Variants in PPM1L observed in about 807,000 individuals in gnomAD.
PPM1L encodes the protein protein phosphatase, Mg2+/Mn2+ dependent 1L, also known as protein phosphatase 1L.
PPM1L carries 13 observed loss-of-function variants against 31.4 expected under a neutral mutation model. The ratio of observed to expected loss-of-function variants is 0.41; its 90% CI spans 0.27 to 0.66. The LOEUF is 0.66. Ranked by LOEUF, PPM1L falls within the 30% of genes least tolerant of loss-of-function variation. PPM1L has a pLI of 0.29. For synonymous variants in PPM1L, 184 were observed against 175.4 expected (o/e 1.05, Z -0.39); for missense variants, 326 against 453.7 (o/e 0.72, Z 2.56).
At chr3:160,901,985 T>C (rs1713559402) in intron 1 of PPM1L, among the ~76,000 whole-genome samples, 1 of 152,176 alleles carries the variant, frequency 6.6e-6, no homozygotes, top group Non-Finnish European at 1.5e-5. Flanking sequence ...TTTTCAATGC[T>C]ATATTTCTTT....
At chr3:160,901,833 T>C (rs545327271) in intron 1 of PPM1L, among the ~76,000 whole-genome samples, 5 of 152,208 alleles carry the variant, frequency 3.3e-5, no homozygotes, top group Non-Finnish European at 7.3e-5. Flanking sequence ...TGTTTATCTT[T>C]CCTCATAGGG....
At chr3:160,936,236 C>T (rs1714968331) in intron 1 of PPM1L, among the ~76,000 whole-genome samples, 1 of 152,040 alleles carries the variant, frequency 6.6e-6, no homozygotes, top group Non-Finnish European at 1.5e-5. Flanking sequence ...ATTACAGGTG[C>T]CCACCACCAC....
chr3:160,788,355 T>C (rs1460527388), intron 1 of PPM1L, among the ~76,000 whole-genome samples: 1 of 152,126 alleles, frequency 6.6e-6, no homozygotes, highest in East Asian at 1.9e-4. Flanking sequence ...TATTCCTAGG[T>C]ATTTTATTCC....
At chr3:160,858,568 A>G (rs1204285450) in intron 1 of PPM1L, among the ~76,000 whole-genome samples, 2 of 152,120 alleles carry the variant, frequency 1.3e-5, no homozygotes, top group African/African-American at 4.8e-5. Context: ...CCTTATTTTT[A>G]TATTTGTTTT....
intron 1 of PPM1L, among the ~76,000 whole-genome samples, chr3:160,917,729 A>T (rs1041247981): frequency 6.6e-6 from 1 of 152,184 alleles, no homozygotes; most frequent in African/African-American, 2.4e-5. Context: ...TTTTAAAAAA[A>T]ACATGATTTC....
intron 1 of PPM1L, among the ~76,000 whole-genome samples, chr3:160,823,572 C>T (rs1196117358): frequency 6.6e-6 from 1 of 151,974 alleles, no homozygotes; most frequent in Non-Finnish European, 1.5e-5. Flanking sequence ...TTATAAATTT[C>T]ATTTTTCATT....
At chr3:161,068,721 G>A (rs758225502) in intron 3 of PPM1L, 90 bp from the exon 4 acceptor site, 22 of 1,055,256 alleles carry the variant, frequency 2.1e-5, no homozygotes, top group Non-Finnish European at 3.0e-5. Context: ...TTCACATGAA[G>A]TAGGTCACCC....
intron 2 of PPM1L, among the ~76,000 whole-genome samples, chr3:161,038,344 C>G (rs1253386911): frequency 6.6e-6 from 1 of 151,590 alleles, no homozygotes; most frequent in African/African-American, 2.4e-5. Flanking sequence ...CAGGGTCTCT[C>G]TCTGTCACCC....
intron 1 of PPM1L, among the ~76,000 whole-genome samples, chr3:160,785,195 TCACAGTCTAAGTATCCA>T (rs1711868832): frequency 6.6e-6 from 1 of 152,212 alleles, no homozygotes; most frequent in Non-Finnish European, 1.5e-5. Context: ...GAAGTGTGCT[TCACAGTCTAAGTATCCA>T]CATTTTTATA....
intron 2 of PPM1L, among the ~76,000 whole-genome samples, chr3:161,021,319 T>TTA (rs1225054982): frequency 2.6e-5 from 4 of 152,062 alleles, no homozygotes; most frequent in Non-Finnish European, 4.4e-5. Context: ...CATGACTTCT[T>TTA]TATATATTGT....
intron 1 of PPM1L, among the ~76,000 whole-genome samples, chr3:160,877,924 T>C (rs114488734): frequency 0.01 from 1,573 of 152,238 alleles, 26 homozygotes; most frequent in African/African-American, 0.036. Flanking sequence ...ATGCCTAAGG[T>C]AGTCTTTTCC....
chr3:161,035,104 A>G (rs1718707410), intron 2 of PPM1L, among the ~76,000 whole-genome samples: 1 of 151,730 alleles, frequency 6.6e-6, no homozygotes, highest in Non-Finnish European at 1.5e-5. Flanking sequence ...GGCAAGGGGA[A>G]GGATAGATGA....
chr3:160,854,012 A>ATGTCAAGTT (rs1181970270), intron 1 of PPM1L, among the ~76,000 whole-genome samples: 1 of 152,198 alleles, frequency 6.6e-6, no homozygotes, highest in African/African-American at 2.4e-5. Context: ...GTAGATAGCA[A>ATGTCAAGTT]TGTCAAGTTA....
At chr3:161,054,291 G>A (rs920831520) in intron 2 of PPM1L, among the ~76,000 whole-genome samples, 10 of 150,944 alleles carry the variant, frequency 6.6e-5, no homozygotes, top group East Asian at 3.8e-4. Flanking sequence ...AGGTTTTAGG[G>A]CTGCTACCAG....
chr3:160,954,649 C>T (rs1477873821), intron 1 of PPM1L, among the ~76,000 whole-genome samples: 3 of 152,142 alleles, frequency 2.0e-5, no homozygotes, highest in Non-Finnish European at 4.4e-5. Context: ...CGGGAGTGAG[C>T]CACTGTGTCC....
At chr3:160,790,543 A>G (rs9876586) in intron 1 of PPM1L, among the ~76,000 whole-genome samples, 133,167 of 152,050 alleles carry the variant, frequency 0.88, 58,708 homozygotes, top group East Asian at 1. Context: ...TAATAGAGAG[A>G]GTCATATTTG....
intron 2 of PPM1L, among the ~76,000 whole-genome samples, chr3:160,995,139 A>C (rs976648229): frequency 1.3e-5 from 2 of 152,212 alleles, no homozygotes; most frequent in East Asian, 3.8e-4. Context: ...CAACAAGAGC[A>C]ACTATAATGG....
intron 2 of PPM1L, among the ~76,000 whole-genome samples, chr3:161,053,939 G>T (rs920739097): frequency 2.6e-5 from 4 of 151,972 alleles, no homozygotes; most frequent in African/African-American, 7.2e-5. Flanking sequence ...GAGAGGAAAA[G>T]AAAATTTTAA....
At chr3:160,986,003 A>T (rs1001871043) in intron 2 of PPM1L, among the ~76,000 whole-genome samples, 1 of 151,760 alleles carries the variant, frequency 6.6e-6, no homozygotes, top group Non-Finnish European at 1.5e-5. Flanking sequence ...TAGCACCTCA[A>T]AGCTTTTGAG....
Sources: allele counts gnomAD v4.1 joint callset (sites outside exome capture counted in the v4.1 genomes callset), GRCh38; gene constraint gnomAD v4.1.1; transcripts MANE v1.5; gene names NCBI Gene and HGNC (gene_info 2026-07-23, HGNC 2026-07-21).